GPC3: variants seen among roughly 807,000 people sequenced by gnomAD.
GPC3 encodes glypican-3.
Under a neutral mutation model 34.4 loss-of-function variants are expected in GPC3, and 3 were observed. That is an observed-to-expected ratio of 0.09 (90% CI 0.04 to 0.23). GPC3 has a LOEUF of 0.23. Ranked by LOEUF, GPC3 falls within the 10% of genes least tolerant of loss-of-function variation. GPC3 has a pLI of 1.00. For synonymous variants in GPC3, 177 were observed against 174.0 expected, an observed-to-expected ratio of 1.02 and a Z score of -0.13; for missense variants, 351 against 445.6, an observed-to-expected ratio of 0.79 and a Z score of 1.91.
intron 7 of GPC3, among the ~76,000 whole-genome samples, chrX:133,537,004 T>C (rs1344790734): frequency 8.9e-6 from 1 of 112,106 alleles, no homozygotes; most frequent in African/African-American, 3.2e-5. Context: ...GAGAGGCTAA[T>C]GGGCAAGAGC....
chrX:133,904,665 G>T (rs1477963545), intron 2 of GPC3, among the ~76,000 whole-genome samples: 3 of 111,868 alleles, frequency 2.7e-5, no homozygotes, highest in African/African-American at 9.7e-5. Flanking sequence ...TGATGAGAAG[G>T]CAGGAGGCAT....
intron 5 of GPC3, among the ~76,000 whole-genome samples, chrX:133,676,629 G>T (rs2070886576): frequency 8.9e-6 from 1 of 112,351 alleles, no homozygotes; most frequent in Admixed American, 9.4e-5. Flanking sequence ...GTGGCCTATT[G>T]TGTGAGGCTG....
intron 2 of GPC3, among the ~76,000 whole-genome samples, chrX:133,779,380 C>T (rs188185649): frequency 8.9e-6 from 1 of 111,927 alleles, no homozygotes; most frequent in African/African-American, 3.2e-5. Flanking sequence ...AACTCTGGAA[C>T]CAGAACACAA....
chrX:133,597,904 C>G, intron 6 of GPC3, among the ~76,000 whole-genome samples: 1 of 110,991 alleles, frequency 9.0e-6, no homozygotes, highest in East Asian at 2.8e-4. Flanking sequence ...TGCTGCTCAT[C>G]ATACACAACT....
chrX:133,607,704 C>T (rs185448728), intron 6 of GPC3, among the ~76,000 whole-genome samples: 48 of 112,677 alleles, frequency 4.3e-4, no homozygotes, highest in East Asian at 3.1e-3. Context: ...GACAGCTGAA[C>T]AGACGGACTG....
chrX:133,938,127 C>T (rs1293048360), intron 2 of GPC3, among the ~76,000 whole-genome samples: 4 of 112,325 alleles, frequency 3.6e-5, no homozygotes, highest in East Asian at 5.6e-4. Context: ...TTTATAACTA[C>T]TTTCCAAAAT....
At chrX:133,963,169 G>A (rs1040127683) in intron 1 of GPC3, among the ~76,000 whole-genome samples, 1 of 112,134 alleles carries the variant, frequency 8.9e-6, no homozygotes, top group Non-Finnish European at 1.9e-5. Context: ...CCAACAAGTT[G>A]GCCTTTATAG....
chrX:133,606,416 G>A (rs1410777912), intron 6 of GPC3, among the ~76,000 whole-genome samples: 3 of 109,738 alleles, frequency 2.7e-5, no homozygotes, highest in South Asian at 7.5e-4. Flanking sequence ...CTATAAATAA[G>A]CTATTATTTT....
chrX:133,809,183 GA>G (rs2075651794), intron 2 of GPC3, among the ~76,000 whole-genome samples: 1 of 111,820 alleles, frequency 8.9e-6, no homozygotes, highest in African/African-American at 3.2e-5. Flanking sequence ...ATGACTCAGG[GA>G]AAAAAATAAT....
intron 2 of GPC3, among the ~76,000 whole-genome samples, chrX:133,873,091 T>C (rs1240855674): frequency 8.9e-6 from 1 of 112,175 alleles, no homozygotes; most frequent in Non-Finnish European, 1.9e-5. Context: ...AAGAAGTTTT[T>C]ATACCCTCAT....
At chrX:133,856,854 C>CT (rs1270808786) in intron 2 of GPC3, among the ~76,000 whole-genome samples, 1 of 111,644 alleles carries the variant, frequency 9.0e-6, no homozygotes, top group Non-Finnish European at 1.9e-5. Flanking sequence ...CTTTGCAATA[C>CT]TTTTAGGCCC....
intron 7 of GPC3, among the ~76,000 whole-genome samples, chrX:133,546,853 G>A (rs1184538540): frequency 8.9e-6 from 1 of 112,109 alleles, no homozygotes; most frequent in East Asian, 2.8e-4. Context: ...TCAGTATATC[G>A]AAGAGATATC....
At chrX:133,939,722 A>G (rs1238902915) in intron 2 of GPC3, among the ~76,000 whole-genome samples, 1 of 112,222 alleles carries the variant, frequency 8.9e-6, no homozygotes, top group Non-Finnish European at 1.9e-5. Flanking sequence ...AATCATTTTC[A>G]TAATTCTAAA....
chrX:133,942,576 A>C (rs1192644155), intron 2 of GPC3, among the ~76,000 whole-genome samples: 1 of 112,369 alleles, frequency 8.9e-6, no homozygotes, highest in African/African-American at 3.2e-5. Context: ...AAAGTATGCA[A>C]GACGATATGT....
At chrX:133,876,648 A>G (rs2076018393) in intron 2 of GPC3, among the ~76,000 whole-genome samples, 1 of 112,370 alleles carries the variant, frequency 8.9e-6, no homozygotes, top group Non-Finnish European at 1.9e-5. Context: ...CAAGATGCCC[A>G]GTTATTCTAA....
intron 7 of GPC3, among the ~76,000 whole-genome samples, chrX:133,557,050 T>A (rs1161406673): frequency 9.0e-6 from 1 of 110,907 alleles, no homozygotes; most frequent in Admixed American, 9.5e-5. Context: ...TCCCAGCACT[T>A]TGGGAGGCCG....
At chrX:133,734,492 T>C (rs2071490702) in intron 3 of GPC3, among the ~76,000 whole-genome samples, 1 of 108,998 alleles carries the variant, frequency 9.2e-6, no homozygotes, top group Non-Finnish European at 1.9e-5. Flanking sequence ...GACAGGGATA[T>C]CCATTGTTGC....
chrX:133,810,500 T>G (rs148160979), intron 2 of GPC3, among the ~76,000 whole-genome samples: 3,120 of 111,685 alleles, frequency 0.028, 116 homozygotes, highest in African/African-American at 0.096. Flanking sequence ...CTGAAATGTT[T>G]CATGTCTAAA....
At chrX:133,680,962 A>G (rs780948496) in intron 5 of GPC3, among the ~76,000 whole-genome samples, 1 of 111,588 alleles carries the variant, frequency 9.0e-6, no homozygotes, top group Non-Finnish European at 1.9e-5. Flanking sequence ...TGGGATTTTG[A>G]TGTTTTTGCA....
Sources: allele counts gnomAD v4.1 joint callset (sites outside exome capture counted in the v4.1 genomes callset), GRCh38; gene constraint gnomAD v4.1.1; transcripts MANE v1.5; gene names NCBI Gene and HGNC (gene_info 2026-07-23, HGNC 2026-07-21).